Variants in BANP observed in about 807,000 individuals in gnomAD.
BANP encodes BTG3 associated nuclear protein.
Under a neutral mutation model 68.1 loss-of-function variants are expected in BANP, and 11 were observed. The observed-to-expected ratio is 0.16, with a 90% CI of 0.10 to 0.27. The LOEUF is 0.27. BANP is among the 10% of genes least tolerant of loss of function. The probability of loss-of-function intolerance (pLI) is 1.00; values close to 1 mark genes in which losing one functional copy is unlikely to be tolerated. For synonymous variants in BANP, 329 were observed against 303.2 expected (o/e 1.09, Z -0.88); for missense variants, 504 against 722.7 (o/e 0.70, Z 3.47).
At chr16:88,008,447 T>A (rs1485669853) in intron 6 of BANP, among the ~76,000 whole-genome samples, 1 of 152,234 alleles carries the variant, frequency 6.6e-6, no homozygotes, top group Non-Finnish European at 1.5e-5. Context: ...TATTTTTGGA[T>A]GTGGATTTTG....
Position 87,987,712 on chromosome 16 carries a change from C to CAAAAAAAAAAAAAAAAAAAAAAAAA in BANP, c.362+3456_362+3480dup, listed in dbSNP as rs66648819. Among the ~76,000 whole-genome samples, 7 of 30,370 alleles carry CAAAAAAAAAAAAAAAAAAAAAAAAA rather than the reference C, an allele frequency of 2.3e-4. 1 individual carries two copies. Among genetic ancestry groups the CAAAAAAAAAAAAAAAAAAAAAAAAA allele is most frequent in the Non-Finnish European group, 2.9e-4 (5 of 17,218 alleles). 19.9% of individuals were successfully genotyped at this position (30,370 alleles called of 152,430 possible). A position where few individuals can be genotyped will look rare whatever the true frequency, so the allele number is the denominator to read the frequency against. On this transcript the variant is annotated intron_variant, in intron 4 of 13. Coordinates refer to ENST00000682872, the MANE Select transcript of BANP (RefSeq NM_001386991.1). ...CTCCAGGCTGAGCGAGACCCTAACT[C>CAAAAAAAAAAAAAAAAAAAAAAAAA]AAAAAAAAAAAAAAAAAAAAAAAAA...
chr16:87,965,085 A>C (rs1348005362), intron 1 of BANP, among the ~76,000 whole-genome samples: 1 of 152,106 alleles, frequency 6.6e-6, no homozygotes, highest in Non-Finnish European at 1.5e-5. Context: ...GTGCTGGCTG[A>C]GCAAAGGTTC....
chr16:87,963,987 T>TCCTGATGACCAGCTA (rs1313557612), intron 1 of BANP, among the ~76,000 whole-genome samples: 5 of 152,242 alleles, frequency 3.3e-5, no homozygotes, highest in Admixed American at 3.3e-4. Context: ...TGTCCGTTTC[T>TCCTGATGACCAGCTA]CCTGATGACC....
chr16:87,981,101 A>T lies in BANP; in HGVS notation c.136A>T (p.Ile46Phe). Residue 46 changes from isoleucine to phenylalanine, a missense_variant, in exon 3 of 14, where the codon ATC (isoleucine) becomes TTC (phenylalanine). Physicochemically the swap from Ile to Phe is conservative, Grantham distance 21. This residue lies in a region of BANP where 238 missense variants were observed against 278.9 expected (regional missense o/e 0.85). Transcript: ENST00000682872. The stretch of plus-strand genomic sequence containing the variant: ...TGCTTTGAAACGCCAGCGACTAGAA[A>T]TCAATTGCCAGGATCCATCTATAAA... ...EPALKRQRLE[I>F]NCQDPSIKSF... is the part of the protein sequence containing the mutation. The T allele has an allele frequency of 6.2e-7, 1 of 1,614,074 alleles. No individual in the cohort carries two copies. The highest frequency in any genetic ancestry group is 8.5e-7 in the Non-Finnish European group (1 of 1,179,962).
At chr16:87,992,610 G>T (rs551271815) in intron 4 of BANP, among the ~76,000 whole-genome samples, 5 of 151,906 alleles carry the variant, frequency 3.3e-5, no homozygotes, top group Non-Finnish European at 7.4e-5. Context: ...CCTGGCTAAC[G>T]AGGCGAAACC....
At chr16:88,034,429 G>C (rs774527412) in intron 9 of BANP, among the ~76,000 whole-genome samples, 68 of 152,166 alleles carry the variant, frequency 4.5e-4, no homozygotes, top group Non-Finnish European at 8.4e-4. Context: ...CAGGTTTATA[G>C]GAATTATTTG....
At chr16:88,051,890 G>A (rs73252309) in intron 11 of BANP, among the ~76,000 whole-genome samples, 2,983 of 152,184 alleles carry the variant, frequency 0.02, 95 homozygotes, top group African/African-American at 0.067. Flanking sequence ...CTGTGGTATC[G>A]TTTGCATTCC....
At position 88,002,543 on chromosome 16, in the gene BANP, T is replaced by C. The variant is rs2069709011; in HGVS notation, c.363-1752T>C. On this transcript the variant is annotated intron_variant, in intron 4 of 13. Coordinates refer to ENST00000682872, the MANE Select transcript of BANP (RefSeq NM_001386991.1). This position sits in a 1 kb window ranked among gnomAD's most constrained non-coding sequence, Gnocchi z 4.6. Reference sequence around the variant, plus strand: ...CATTGAGATACTCGCTCAAGGAGAGTCATCTTTAGGCAACAGGACATTCTG... The same window carrying C: ...CATTGAGATACTCGCTCAAGGAGAGCCATCTTTAGGCAACAGGACATTCTG... Among the ~76,000 whole-genome samples the C allele has an allele frequency of 6.6e-6, 1 of 151,578 alleles. No individual in the cohort carries two copies. The highest frequency in any genetic ancestry group is 1.5e-5 in the Non-Finnish European group (1 of 67,876).
intron 4 of BANP, among the ~76,000 whole-genome samples, chr16:87,995,796 G>C (rs76905357): frequency 2.0e-5 from 3 of 152,392 alleles, no homozygotes; most frequent in East Asian, 1.9e-4. Context: ...CAGGTAACAA[G>C]CTCTGGGTCA....
At chr16:87,976,231 C>T (rs566303709) in intron 2 of BANP, among the ~76,000 whole-genome samples, 10 of 152,288 alleles carry the variant, frequency 6.6e-5, no homozygotes, top group South Asian at 4.1e-4. Context: ...TTTTTTAAGA[C>T]GGTGACAGGT....
At chr16:88,047,329 A>G (rs1049494594) in intron 11 of BANP, among the ~76,000 whole-genome samples, 1 of 152,196 alleles carries the variant, frequency 6.6e-6, no homozygotes. Context: ...GAAAACTGCC[A>G]GTTTCTCCCC....
chr16:88,053,073 T>TATC (rs1567882356), intron 11 of BANP, among the ~76,000 whole-genome samples: 1 of 72,646 alleles, frequency 1.4e-5, no homozygotes, highest in Non-Finnish European at 3.9e-5. Context: ...TCTCCATCAT[T>TATC]ATCACCAACC....
chr16:87,969,086 A>G (rs1049889298), intron 1 of BANP, among the ~76,000 whole-genome samples: 5 of 152,128 alleles, frequency 3.3e-5, no homozygotes, highest in African/African-American at 1.2e-4. Flanking sequence ...TGCCCTGCCC[A>G]GTTGATATTC....
At chr16:87,999,781 G>T (rs77267769) in intron 4 of BANP, among the ~76,000 whole-genome samples, 6 of 16,424 alleles carry the variant, frequency 3.7e-4, no homozygotes, top group African/African-American at 6.1e-4. Flanking sequence ...TGCGCGGCTG[G>T]ACTCACCTGT....
At chr16:87,987,303 T>C (rs927392268) in intron 4 of BANP, among the ~76,000 whole-genome samples, 2 of 152,330 alleles carry the variant, frequency 1.3e-5, no homozygotes, top group East Asian at 1.9e-4. Flanking sequence ...GGTCTTGAAC[T>C]CTTGACCTTA....
At chr16:88,072,346 C>G (rs992039507) in intron 13 of BANP, 134 bp downstream of exon 13, 7 of 1,064,416 alleles carry the variant, frequency 6.6e-6, no homozygotes, top group Non-Finnish European at 9.2e-6. Flanking sequence ...CACAGATGCC[C>G]ATCTGAGGGT....
chr16:87,976,474 GTTT>G (rs59786663), intron 2 of BANP, among the ~76,000 whole-genome samples: 2 of 95,972 alleles, frequency 2.1e-5, no homozygotes, highest in African/African-American at 4.5e-5. Context: ...GTTTTAAAAA[GTTT>G]TTTTTTTTTT....
intron 2 of BANP, chr16:87,978,584 T>C (rs2062641383): frequency 2.1e-6 from 1 of 469,364 alleles, no homozygotes; most frequent in East Asian, 6.9e-5. Flanking sequence ...TAGGTGGAGA[T>C]GGTTGATGCG....
At chr16:87,995,086 T>C (rs561942224) in intron 4 of BANP, among the ~76,000 whole-genome samples, 1 of 152,296 alleles carries the variant, frequency 6.6e-6, no homozygotes, top group East Asian at 1.9e-4. Flanking sequence ...GTGCATCCTG[T>C]TTTTAAAACC....
Sources: allele counts gnomAD v4.1 joint callset (sites outside exome capture counted in the v4.1 genomes callset), GRCh38; gene constraint gnomAD v4.1.1; regional missense constraint gnomAD v4.1.1; non-coding constraint Gnocchi (gnomAD v3.1); transcripts MANE v1.5; gene names NCBI Gene and HGNC (gene_info 2026-07-23, HGNC 2026-07-21).